CCDC178: variants seen among roughly 807,000 people sequenced by gnomAD.
CCDC178 encodes coiled-coil domain containing 178.
Under a neutral mutation model 117.4 loss-of-function variants are expected in CCDC178, and 126 were observed. That is an observed-to-expected ratio of 1.07 (90% confidence interval 0.93 to 1.24). The LOEUF is 1.24. Ranked by LOEUF, CCDC178 falls within the 50% of genes most tolerant of loss-of-function variation. The probability of loss-of-function intolerance (pLI) is 0.00; values close to 1 mark genes in which losing one functional copy is unlikely to be tolerated. For missense variants in CCDC178, 1,030 were observed against 986.9 expected (o/e 1.04, Z -0.59); for synonymous variants, 283 against 313.4 (o/e 0.90, Z 1.02).
intron 20 of CCDC178, among the ~76,000 whole-genome samples, chr18:33,123,610 A>T (rs1304280331): frequency 6.6e-6 from 1 of 152,186 alleles, no homozygotes; most frequent in Non-Finnish European, 1.5e-5. Context: ...TCCTTAATTG[A>T]ACATGGAAAA....
At chr18:32,968,565 T>C (rs928458215) in intron 22 of CCDC178, among the ~76,000 whole-genome samples, 2 of 152,036 alleles carry the variant, frequency 1.3e-5, no homozygotes, top group African/African-American at 4.8e-5. Flanking sequence ...TTTTATTTTT[T>C]GAGGAATCTC....
chr18:33,423,630 G>A (rs2064065588), intron 2 of CCDC178, among the ~76,000 whole-genome samples: 1 of 151,678 alleles, frequency 6.6e-6, no homozygotes, highest in Admixed American at 6.6e-5. Context: ...ACACATGTTG[G>A]TGTGTGTGTG....
intron 21 of CCDC178, among the ~76,000 whole-genome samples, chr18:33,024,685 C>A (rs1313887893): frequency 6.6e-6 from 1 of 151,644 alleles, no homozygotes. Context: ...GCTCTGTCAC[C>A]CAGGCTGCAG....
chr18:33,218,129 G>A (rs2059188923), intron 18 of CCDC178, among the ~76,000 whole-genome samples: 2 of 151,904 alleles, frequency 1.3e-5, no homozygotes, highest in Admixed American at 1.3e-4. Context: ...ATGATATGAG[G>A]ACACCTCTCT....
chr18:33,104,330 A>G lies in CCDC178; in HGVS notation c.2239-11420T>C, dbSNP rs570278874. Among the ~76,000 whole-genome samples, 3 of 151,826 alleles carry G rather than the reference A, an allele frequency of 2.0e-5. No homozygotes were observed. The South Asian group carries it at 6.2e-4, about 32-fold the overall frequency. ...AGATTTCTTCTACCAACTAGCCTCA[A>G]TCAGAAAAATAAAGGCATAAAATCT... On this transcript the variant is annotated intron_variant, in intron 20 of 22. Transcript: ENST00000383096.
intron 22 of CCDC178, among the ~76,000 whole-genome samples, chr18:32,951,136 T>A (rs1457758659): frequency 6.6e-6 from 1 of 152,256 alleles, no homozygotes; most frequent in Non-Finnish European, 1.5e-5. Flanking sequence ...ATTCTTTTTT[T>A]ACTCAGTTAT....
chr18:33,368,739 G>T (rs1377744483), intron 6 of CCDC178, among the ~76,000 whole-genome samples: 1 of 151,680 alleles, frequency 6.6e-6, no homozygotes, highest in Non-Finnish European at 1.5e-5. Flanking sequence ...CTATCAATTA[G>T]GTATAACAAT....
intron 4 of CCDC178, among the ~76,000 whole-genome samples, chr18:33,395,207 C>T (rs915671031): frequency 6.6e-6 from 1 of 150,868 alleles, no homozygotes; most frequent in East Asian, 1.9e-4. Context: ...TTAAGTGATT[C>T]GTGAAATCGG....
At chr18:33,095,422 C>T (rs271479) in intron 20 of CCDC178, among the ~76,000 whole-genome samples, 21,619 of 151,540 alleles carry the variant, frequency 0.14, 2,394 homozygotes, top group African/African-American at 0.31. Flanking sequence ...CTTGATACTT[C>T]GGGGATATTA....
intron 20 of CCDC178, among the ~76,000 whole-genome samples, chr18:33,190,385 C>T (rs1223333748): frequency 6.6e-6 from 1 of 152,160 alleles, no homozygotes; most frequent in East Asian, 1.9e-4. Flanking sequence ...TTCACAGCTA[C>T]ACAGAATTTG....
chr18:33,336,937 T>C (rs1415554425), intron 9 of CCDC178, among the ~76,000 whole-genome samples: 1 of 152,040 alleles, frequency 6.6e-6, no homozygotes, highest in African/African-American at 2.4e-5. Context: ...CTGTGAAGAA[T>C]GGTGGTAGCA....
intron 22 of CCDC178, among the ~76,000 whole-genome samples, chr18:32,961,597 G>C (rs1161928977): frequency 6.6e-6 from 1 of 152,132 alleles, no homozygotes; most frequent in African/African-American, 2.4e-5. Flanking sequence ...TTTTTCCACA[G>C]ACAGAGCAGG....
chr18:33,212,108 A>G, intron 19 of CCDC178, 53 bp from the exon 20 acceptor site: 1 of 1,360,878 alleles, frequency 7.3e-7, no homozygotes, highest in Non-Finnish European at 9.9e-7. Flanking sequence ...TTATTTTTCA[A>G]AATGCATTTA....
At chr18:32,994,418 C>T (rs1048721098) in intron 21 of CCDC178, among the ~76,000 whole-genome samples, 19 of 152,142 alleles carry the variant, frequency 1.2e-4, no homozygotes, top group South Asian at 6.2e-4. Flanking sequence ...TTTTCATCAC[C>T]TGTAAAATAA....
At chr18:33,096,695 G>C (rs2057548698) in intron 20 of CCDC178, among the ~76,000 whole-genome samples, 1 of 152,030 alleles carries the variant, frequency 6.6e-6, no homozygotes, top group Non-Finnish European at 1.5e-5. Flanking sequence ...AACATAGCCG[G>C]TGCCTATCAA....
intron 2 of CCDC178, among the ~76,000 whole-genome samples, chr18:33,435,419 A>C (rs2064275164): frequency 6.6e-6 from 1 of 152,116 alleles, no homozygotes; most frequent in African/African-American, 2.4e-5. Flanking sequence ...TTTCCCATGC[A>C]TATTTTCTAA....
chr18:33,353,421 G>A (rs564889083), intron 7 of CCDC178, among the ~76,000 whole-genome samples: 106 of 152,008 alleles, frequency 7.0e-4, no homozygotes, highest in Non-Finnish European at 1.3e-3. Context: ...TGATAAGGAA[G>A]GGATTATTTT....
At chr18:33,061,124 T>C (rs2056913939) in intron 21 of CCDC178, among the ~76,000 whole-genome samples, 1 of 152,110 alleles carries the variant, frequency 6.6e-6, no homozygotes, top group Non-Finnish European at 1.5e-5. Context: ...GCTTTAAAGA[T>C]GTAGATATAA....
Position 33,242,955 on chromosome 18 carries a change from T to G in CCDC178, c.1593+2290A>C, listed in dbSNP as rs561427945. 3.3e-5 allele frequency among the ~76,000 whole-genome samples: 5 copies of G among 151,964 alleles called. No individual in the cohort carries two copies. In the South Asian group the frequency reaches 1.0e-3, roughly 31 times the overall value. On this transcript the variant is annotated intron_variant, in intron 15 of 22. Transcript: ENST00000383096. ...TGAAGAGACATCTGTATCCCCATGT[T>G]TTTTTTGTGGCACTATTCACAATAG...
Sources: gnomAD v4.1 joint callset for allele counts (sites outside exome capture counted in the v4.1 genomes callset) on GRCh38, gnomAD v4.1.1 for gene constraint, MANE v1.5 for transcripts, NCBI Gene and HGNC (gene_info 2026-07-23, HGNC 2026-07-21) for gene names.